The following DNMBP variants were observed in gnomAD, a reference collection of about 807,000 sequenced individuals.
DNMBP encodes dynamin-binding protein.
Under a neutral mutation model 150.0 loss-of-function variants are expected in DNMBP, and 87 were observed. The observed-to-expected ratio is 0.58, with a 90% confidence interval of 0.49 to 0.69. The LOEUF (loss-of-function observed/expected upper bound fraction) is 0.69. Among genes scored for constraint, DNMBP ranks in the 30% least tolerant of loss-of-function variants. DNMBP has a pLI of 0.00. For missense variants in DNMBP, 1,774 were observed against 1,949.0 expected (o/e 0.91, Z 1.69); for synonymous variants, 711 against 750.4 (o/e 0.95, Z 0.86).
At chr10:99,971,856 CTTTCTT>C in intron 2 of DNMBP, 118 bp downstream of exon 2, 2 of 941,784 alleles carry the variant, frequency 2.1e-6, no homozygotes, top group Non-Finnish European at 3.1e-6. Context: ...TTCTTTCTTT[CTTTCTT>C]TTTTTTTTTT....
chr10:99,941,919 T>C (rs949006058), intron 4 of DNMBP, among the ~76,000 whole-genome samples: 2 of 152,234 alleles, frequency 1.3e-5, no homozygotes, highest in Non-Finnish European at 2.9e-5. Context: ...GTCACTGCAG[T>C]AGCCTCCTAA....
intron 4 of DNMBP, among the ~76,000 whole-genome samples, chr10:99,917,641 T>C (rs1275439775): frequency 6.6e-6 from 1 of 152,182 alleles, no homozygotes; most frequent in East Asian, 1.9e-4. Flanking sequence ...CTGAGGTTTC[T>C]TTCCTGACCT....
rs1368179303 is a variant in DNMBP at position 99,898,270 on chromosome 10, A to G, written c.2736T>C (p.Tyr912=). 5 of 1,613,552 alleles carry G rather than the reference A, an allele frequency of 3.1e-6. No homozygotes were observed. In the African/African-American group the frequency reaches 4.0e-5, roughly 13 times the overall value. The change falls in exon 9 of 17, where the codon TAT becomes TAC. Residue 912 remains tyrosine (Y), a synonymous_variant. Transcript: ENST00000324109. ...TGATGAGGAAGGAGCCCAGGTTAAT[A>G]TAATTTGTGCATCCCCTGTAAGAGA... ...SLYNEWGCTN[Y]INLGSFLIKP...
rs778561649 is a variant in DNMBP at position 99,955,617 on chromosome 10, T to A, written c.1857A>T (p.Val619=). The A allele has an allele frequency of 5.6e-6, 9 of 1,614,118 alleles. No homozygotes were observed. The highest frequency in any genetic ancestry group is 4.5e-5 in the East Asian group (2 of 44,902). The change falls in exon 4 of 17, where the codon GTA becomes GTT. Residue 619 remains valine (V), a synonymous_variant. Transcript: ENST00000324109. The part of the protein sequence containing the change: ...RPPPPRPCTP[V]STSPHLLVDQ... Reference sequence around the variant, plus strand: ...CAACCAGCAAATGGGGAGAAGTGGATACCGGAGTACAGGGACGAGGTGGCG... The same window carrying A: ...CAACCAGCAAATGGGGAGAAGTGGAAACCGGAGTACAGGGACGAGGTGGCG...
At chr10:99,924,519 T>C (rs972023052) in intron 4 of DNMBP, among the ~76,000 whole-genome samples, 2 of 152,232 alleles carry the variant, frequency 1.3e-5, no homozygotes, top group Non-Finnish European at 2.9e-5. Context: ...GCATTTACTG[T>C]CTATGCTATA....
At position 99,972,106 on chromosome 10, in the gene DNMBP, C is replaced by A; in HGVS notation, c.19G>T (p.Val7Phe). The A allele has an allele frequency of 6.2e-7, 1 of 1,613,196 alleles. No individual in the cohort carries two copies. The highest frequency in any genetic ancestry group is 8.5e-7 in the Non-Finnish European group (1 of 1,179,790). The stretch of plus-strand genomic sequence containing the variant: ...GGGCAGAAGTCAAAAATGGCTCGAA[C>A]CACTGAGCCAGCCTCCATGTTTTAT... MEAGSV[V>F]RAIFDFCPSV... Residue 7 changes from valine to phenylalanine, a missense_variant, in exon 2 of 17, where the codon GTT (valine) becomes TTT (phenylalanine). Coordinates refer to ENST00000324109, the MANE Select transcript of DNMBP (RefSeq NM_015221.4).
chr10:99,982,779 C>T (rs2040792236), intron 1 of DNMBP, among the ~76,000 whole-genome samples: 1 of 152,036 alleles, frequency 6.6e-6, no homozygotes, highest in African/African-American at 2.4e-5. Context: ...ATGGCAAAAC[C>T]CTGTCTCTAC....
intron 1 of DNMBP, among the ~76,000 whole-genome samples, chr10:99,990,628 CAAGA>C (rs1164659176): frequency 2.1e-5 from 3 of 141,942 alleles, no homozygotes; most frequent in East Asian, 2.1e-4. Flanking sequence ...AAAAAAAGGA[CAAGA>C]AAGACAGTGT....
At chr10:99,905,956 T>A (rs1370163575) in intron 6 of DNMBP, among the ~76,000 whole-genome samples, 1 of 152,158 alleles carries the variant, frequency 6.6e-6, no homozygotes, top group Non-Finnish European at 1.5e-5. Context: ...GATAACAATG[T>A]GAGACCCTGT....
rs1281463665 is a variant in DNMBP, at chr10:99,899,953, G to C, written c.2668C>G (p.Gln890Glu). The C allele has an allele frequency of 1.9e-6, 3 of 1,614,124 alleles. No individual in the cohort carries two copies. The highest frequency in any genetic ancestry group is 2.5e-6 in the Non-Finnish European group (3 of 1,180,020). The stretch of plus-strand genomic sequence containing the variant: ...GCCAAGGAGTCCTGAAGATGCTTCT[G>C]GATCTTCTCATCCTTCTCGTAGATT... ...LEIYEKDEKI[Q>E]KHLQDSLADL... The change falls in exon 7 of 17, where the codon CAG (glutamine) becomes GAG (glutamate). Residue 890 changes from glutamine to glutamate, a missense_variant. Transcript: ENST00000324109.
chr10:99,972,797 T>C (rs1450086170), intron 1 of DNMBP, among the ~76,000 whole-genome samples: 3 of 152,100 alleles, frequency 2.0e-5, no homozygotes, highest in East Asian at 3.9e-4. Flanking sequence ...TTTTTTGAGA[T>C]GAAATCTCGC....
chr10:99,985,771 G>C (rs2040821370), intron 1 of DNMBP, among the ~76,000 whole-genome samples: 1 of 152,162 alleles, frequency 6.6e-6, no homozygotes, highest in Admixed American at 6.5e-5. Flanking sequence ...TTGTATGAAA[G>C]GATGAGAGGT....
At chr10:99,974,231 A>G (rs2040705447) in intron 1 of DNMBP, among the ~76,000 whole-genome samples, 1 of 152,226 alleles carries the variant, frequency 6.6e-6, no homozygotes, top group African/African-American at 2.4e-5. Flanking sequence ...CAGATCAAGT[A>G]TATGTTTTTG....
At chr10:100,002,382 G>C (rs2041023982) in intron 1 of DNMBP, among the ~76,000 whole-genome samples, 1 of 152,170 alleles carries the variant, frequency 6.6e-6, no homozygotes, top group African/African-American at 2.4e-5. Flanking sequence ...CAACACCCTA[G>C]CAGTTAGTGC....
At chr10:99,894,613 A>C (rs747187045) in intron 11 of DNMBP, among the ~76,000 whole-genome samples, 1 of 152,226 alleles carries the variant, frequency 6.6e-6, no homozygotes, top group Non-Finnish European at 1.5e-5. Flanking sequence ...ACAGCTTCCT[A>C]GCTTTTGCAT....
At chr10:99,938,970 G>C (rs947008820) in intron 4 of DNMBP, among the ~76,000 whole-genome samples, 1 of 152,128 alleles carries the variant, frequency 6.6e-6, no homozygotes, top group Non-Finnish European at 1.5e-5. Context: ...TGCTCCTAGT[G>C]GGTGGGCCAT....
At chr10:99,910,264 G>A (rs754851331) in intron 4 of DNMBP, among the ~76,000 whole-genome samples, 10 of 152,240 alleles carry the variant, frequency 6.6e-5, no homozygotes, top group Non-Finnish European at 1.3e-4. Context: ...ATTCTGGGAC[G>A]GGTGCAGTGG....
chr10:99,955,433 T>C lies in DNMBP; in HGVS notation c.2041A>G (p.Met681Val), dbSNP rs769320789. 43 of 1,613,370 alleles carry C rather than the reference T, an allele frequency of 2.7e-5. No homozygotes were observed. Among genetic ancestry groups the C allele is most frequent in the Non-Finnish European group, 3.6e-5 (43 of 1,179,650 alleles). Residue 681 changes from methionine (M) to valine (V), a missense_variant, in exon 4 of 17, where the codon ATG becomes GTG. This residue lies in a region of DNMBP where 1,430 missense variants were observed against 1,492.5 expected (regional missense o/e 0.96). Coordinates refer to ENST00000324109, the MANE Select transcript of DNMBP (RefSeq NM_015221.4). The part of the protein sequence containing the change: ...ETLEKEGPGH[M>V]GRSLDQTSPC... ...GAGGTCTGGTCCAGACTCCTTCCCA[T>C]ATGACCAGGGCCCTCCTTTTCTAAG...
chr10:99,888,573 C>A (rs1307863782), intron 12 of DNMBP, among the ~76,000 whole-genome samples: 1 of 152,098 alleles, frequency 6.6e-6, no homozygotes, highest in African/African-American at 2.4e-5. Flanking sequence ...CCTAGTTTTC[C>A]TTTGTCCTCT....
Sources: allele counts gnomAD v4.1 joint callset (sites outside exome capture counted in the v4.1 genomes callset), GRCh38; gene constraint gnomAD v4.1.1; regional missense constraint gnomAD v4.1.1; transcripts MANE v1.5; gene names NCBI Gene and HGNC (gene_info 2026-07-23, HGNC 2026-07-21).